RBFOX1: variants seen among roughly 807,000 people sequenced by gnomAD.
The protein encoded by RBFOX1 is RNA binding protein fox-1 homolog 1.
A neutral mutation model predicts 57.7 loss-of-function variants in RBFOX1; 8 were observed. The ratio of observed to expected loss-of-function variants is 0.14; its 90% CI spans 0.08 to 0.25. The LOEUF is 0.25. Among genes scored for constraint, RBFOX1 ranks in the 10% least tolerant of loss-of-function variants. RBFOX1 has a pLI of 1.00. For synonymous variants in RBFOX1, 326 were observed against 222.4 expected (o/e 1.47, Z -4.15); for missense variants, 611 against 548.5 (o/e 1.11, Z -1.14).
Position 6,455,591 on chromosome 16 carries a change from C to G in RBFOX1, c.-64+138534C>G, listed in dbSNP as rs2094750488. The stretch of plus-strand genomic sequence containing the variant: ...ACTATGACACACTCCTTTTCTTTTC[C>G]AAGACCAGTAGTGCTGAAAGGCCTT... On this transcript the variant is annotated intron_variant, in intron 2 of 15. Transcript: ENST00000550418. Among the ~76,000 whole-genome samples, 4 of 152,170 alleles carry G rather than the reference C, an allele frequency of 2.6e-5. 1 individual carries two copies. The South Asian group carries it at 6.2e-4, about 24-fold the overall frequency.
At chr16:5,336,140 C>T (rs930837040) in intron 1 of RBFOX1, among the ~76,000 whole-genome samples, 2 of 152,124 alleles carry the variant, frequency 1.3e-5, no homozygotes, top group African/African-American at 4.8e-5. Flanking sequence ...GTTCATCTGT[C>T]TTTCAAGATG....
intron 1 of RBFOX1, among the ~76,000 whole-genome samples, chr16:6,246,627 G>A (rs867996887): frequency 1.7e-4 from 26 of 152,284 alleles, no homozygotes; most frequent in Middle Eastern, 6.8e-3. Flanking sequence ...GAGAGAAAAT[G>A]AGAAAATATG....
rs138788422 is a variant in RBFOX1 at position 5,368,402 on chromosome 16, T to G, written c.220-98814T>G. ...GTCGGGGCACCTAACCAATGTGGGT[T>G]TTCATCTCCCACCCTCCCACTTCCT... On this transcript the variant is annotated intron_variant, in intron 1 of 2. Transcript: ENST00000585867. Among the ~76,000 whole-genome samples, 381 of 152,302 alleles carry G rather than the reference T, an allele frequency of 2.5e-3. 2 individuals carry two copies. The highest frequency in any genetic ancestry group is 8.7e-3 in the African/African-American group (363 of 41,552).
intron 3 of RBFOX1, among the ~76,000 whole-genome samples, chr16:6,773,002 A>ATGTGTGTGTG (rs138195500): frequency 0.088 from 6,497 of 73,600 alleles, 369 homozygotes; most frequent in East Asian, 0.23. Context: ...TGGGGTGCAT[A>ATGTGTGTGTG]TGTGTGTGTG....
At chr16:5,912,418 A>C (rs769746344) in intron 4 of RBFOX1, among the ~76,000 whole-genome samples, 6 of 152,106 alleles carry the variant, frequency 3.9e-5, no homozygotes, top group Non-Finnish European at 7.3e-5. Context: ...TTAGGAGTCT[A>C]CCCTGAGAAC....
At chr16:5,530,630 G>A (rs1357659185) in intron 2 of RBFOX1, among the ~76,000 whole-genome samples, 2 of 152,146 alleles carry the variant, frequency 1.3e-5, no homozygotes, top group Non-Finnish European at 2.9e-5. Context: ...GGAATGTTTA[G>A]CAGCAACCTT....
chr16:7,434,844 A>T (rs1396468630), intron 4 of RBFOX1, among the ~76,000 whole-genome samples: 1 of 151,272 alleles, frequency 6.6e-6, no homozygotes, highest in Non-Finnish European at 1.5e-5. Context: ...GACTCAAGTG[A>T]TTCTCTAGCC....
At chr16:7,366,243 G>A (rs1354438505) in intron 4 of RBFOX1, among the ~76,000 whole-genome samples, 1 of 152,222 alleles carries the variant, frequency 6.6e-6, no homozygotes, top group African/African-American at 2.4e-5. Flanking sequence ...TTATTGCCAG[G>A]ACATTTGTAA....
chr16:6,554,033 T>TATGAATGAATGAATGAATGA (rs34641433), intron 2 of RBFOX1, among the ~76,000 whole-genome samples: 30 of 151,922 alleles, frequency 2.0e-4, no homozygotes, highest in African/African-American at 7.3e-4. Flanking sequence ...GTTTTGAAAG[T>TATGAATGAATGAATGAATGA]ATGAATGAAT....
At chr16:6,190,220 A>C (rs2097133130) in intron 1 of RBFOX1, among the ~76,000 whole-genome samples, 1 of 152,192 alleles carries the variant, frequency 6.6e-6, no homozygotes, top group Non-Finnish European at 1.5e-5. Flanking sequence ...TGAATGAATG[A>C]AGGGCAGTTA....
At chr16:6,073,810 G>T (rs2069679670) in intron 1 of RBFOX1, among the ~76,000 whole-genome samples, 1 of 152,012 alleles carries the variant, frequency 6.6e-6, no homozygotes, top group Non-Finnish European at 1.5e-5. Flanking sequence ...ATTTGATAGG[G>T]CTCTTTCAAC....
intron 2 of RBFOX1, among the ~76,000 whole-genome samples, chr16:6,370,654 T>G (rs1388479967): frequency 6.6e-6 from 1 of 152,010 alleles, no homozygotes; most frequent in Non-Finnish European, 1.5e-5. Flanking sequence ...AGAGACAAAG[T>G]AATATAGTGG....
rs1317313025 is a variant in RBFOX1 at position 5,994,681 on chromosome 16, T to C, written c.351+127346T>C. 2.0e-5 allele frequency among the ~76,000 whole-genome samples: 3 copies of C among 152,318 alleles called. No individual in the cohort carries two copies. In the East Asian group the frequency reaches 5.8e-4, roughly 29 times the overall value. On this transcript the variant is annotated intron_variant, in intron 4 of 19. Transcript: ENST00000641259. ...CACAGATAATATGGCAATGAGTGTG[T>C]GTGGCTGTGTTCCAATAAAACTTTA... is the stretch of plus-strand genomic sequence containing the variant.
At chr16:6,338,465 G>A (rs1454359057) in intron 2 of RBFOX1, among the ~76,000 whole-genome samples, 1 of 152,140 alleles carries the variant, frequency 6.6e-6, no homozygotes, top group Non-Finnish European at 1.5e-5. Flanking sequence ...TTTTTAATAG[G>A]CAGATGAGTT....
chr16:5,957,893 T>C (rs1301506113), intron 4 of RBFOX1, among the ~76,000 whole-genome samples: 1 of 152,170 alleles, frequency 6.6e-6, no homozygotes, highest in Admixed American at 6.6e-5. Context: ...TATTGTACTA[T>C]TAAGTAGAAG....
intron 4 of RBFOX1, among the ~76,000 whole-genome samples, chr16:7,397,531 C>T (rs940849686): frequency 1.1e-4 from 17 of 152,130 alleles, no homozygotes; most frequent in African/African-American, 3.9e-4. Flanking sequence ...GGTCTCAGAG[C>T]CTCCAGTTTT....
intron 2 of RBFOX1, among the ~76,000 whole-genome samples, chr16:6,452,249 T>C (rs1009436477): frequency 1.3e-5 from 2 of 149,822 alleles, no homozygotes; most frequent in East Asian, 2.0e-4. Flanking sequence ...CATGACTCCA[T>C]CCATGACTCC....
At chr16:5,460,558 TG>T (rs2068757928) in intron 1 of RBFOX1, among the ~76,000 whole-genome samples, 1 of 152,118 alleles carries the variant, frequency 6.6e-6, no homozygotes, top group South Asian at 2.1e-4. Flanking sequence ...GGGCAGCTGA[TG>T]GTTGTAAAGG....
chr16:7,630,827 T>A, intron 11 of RBFOX1, 144 bp downstream of exon 11: 1 of 1,448,240 alleles, frequency 6.9e-7, no homozygotes, highest in Non-Finnish European at 9.1e-7. Flanking sequence ...TTCATAAGCA[T>A]GTCTGTCTCC....
Sources: gnomAD v4.1 joint callset for allele counts (sites outside exome capture counted in the v4.1 genomes callset) on GRCh38, gnomAD v4.1.1 for gene constraint, MANE v1.5 for transcripts, NCBI Gene and HGNC (gene_info 2026-07-23, HGNC 2026-07-21) for gene names.